The following EBF4 variants were observed in gnomAD, a reference collection of about 807,000 sequenced individuals.
EBF4 encodes EBF transcription factor 4, also known as transcription factor COE4.
EBF4 carries 34 observed loss-of-function variants against 67.1 expected under a neutral mutation model. The observed-to-expected ratio is 0.51, with a 90% CI of 0.39 to 0.67. The LOEUF (loss-of-function observed/expected upper bound fraction) is 0.67. Ranked by LOEUF, EBF4 falls within the 30% of genes least tolerant of loss-of-function variation. The pLI is 0.00. For missense variants in EBF4, 837 were observed against 873.3 expected (o/e 0.96, Z 0.52); for synonymous variants, 387 against 377.7 (o/e 1.02, Z -0.29).
intron 6 of EBF4, among the ~76,000 whole-genome samples, chr20:2,712,007 A>C (rs1308507948): frequency 1.3e-5 from 2 of 152,098 alleles, no homozygotes; most frequent in Non-Finnish European, 2.9e-5. Context: ...AGGGAAAACA[A>C]GGAGGCCCAG....
chr20:2,708,013 A>G (rs770070084), exon 5 of EBF4: 6 of 1,608,414 alleles, frequency 3.7e-6, no homozygotes, highest in East Asian at 2.2e-5. Flanking sequence ...CCATGAGATC[A>G]TGTGCAGGTG....
At chr20:2,698,280 T>A (rs544379118) in intron 1 of EBF4, among the ~76,000 whole-genome samples, 1 of 152,336 alleles carries the variant, frequency 6.6e-6, no homozygotes, top group African/African-American at 2.4e-5. Context: ...CCAAACCTCA[T>A]CTCCAGCAGG....
At chr20:2,716,855 A>G (rs779418795) in intron 6 of EBF4, among the ~76,000 whole-genome samples, 12 of 152,202 alleles carry the variant, frequency 7.9e-5, no homozygotes, top group Non-Finnish European at 1.5e-4. Flanking sequence ...CTATGTAATC[A>G]TCACTTTTTA....
At chr20:2,709,150 G>C (rs1212927660) in intron 5 of EBF4, among the ~76,000 whole-genome samples, 1 of 152,152 alleles carries the variant, frequency 6.6e-6, no homozygotes, top group East Asian at 1.9e-4. Flanking sequence ...TCACGTCACT[G>C]TACTCCAGCC....
chr20:2,752,685 A>C, intron 14 of EBF4, 140 bp downstream of exon 14: 1 of 729,320 alleles, frequency 1.4e-6, no homozygotes, highest in South Asian at 7.0e-5. Context: ...GGTCAGGCCC[A>C]CCGTCCCCGC....
chr20:2,748,920 G>C (rs2088094799), intron 7 of EBF4, among the ~76,000 whole-genome samples: 1 of 152,202 alleles, frequency 6.6e-6, no homozygotes. Flanking sequence ...AGCGTGAAGC[G>C]GAGAGCAGCT....
chr20:2,757,816 G>A (rs151095258), intron 15 of EBF4, among the ~76,000 whole-genome samples: 2 of 152,236 alleles, frequency 1.3e-5, no homozygotes, highest in Non-Finnish European at 1.5e-5. Context: ...GTGTGGTGGC[G>A]CATGCCTGTA....
In EBF4 at chr20:2,693,786, A is replaced by C; in HGVS notation, c.137+4A>C. 7.6e-7 allele frequency: 1 copy of C among 1,313,282 alleles called. No individual in the cohort carries two copies. Among genetic ancestry groups the C allele is most frequent in the Non-Finnish European group, 9.7e-7 (1 of 1,031,570 alleles). 81.4% of individuals were successfully genotyped at this position (1,313,282 alleles called of 1,614,324 possible). On this transcript the variant is annotated splice_donor_region_variant and intron_variant, in intron 1 of 16. Transcript: ENST00000609451. The surrounding 1 kb of genome is among the most constrained non-coding windows in gnomAD (Gnocchi z 4.6). ...ACGCCAGCACCGCGGCGCAGAGGTA[A>C]GCGCTCGGACCGGACCCGGTGCGCT...
chr20:2,720,401 T>G (rs1382148635), intron 6 of EBF4, among the ~76,000 whole-genome samples: 4 of 152,188 alleles, frequency 2.6e-5, no homozygotes, highest in Non-Finnish European at 5.9e-5. Flanking sequence ...CGGCCCATTC[T>G]TCTTTTCTTT....
intron 1 of EBF4, 120 bp from the exon 2 acceptor site, chr20:2,705,457 G>T: frequency 7.1e-7 from 1 of 1,405,350 alleles, no homozygotes; most frequent in Non-Finnish European, 9.7e-7. Flanking sequence ...TGGATTTTTT[G>T]CCCAAACTCT....
At chr20:2,694,123 C>T (rs2087253686) in intron 1 of EBF4, among the ~76,000 whole-genome samples, 1 of 152,256 alleles carries the variant, frequency 6.6e-6, no homozygotes, top group South Asian at 2.1e-4. Flanking sequence ...CGTCTAGGAA[C>T]GTCCAGCCCC....
intron 6 of EBF4, among the ~76,000 whole-genome samples, chr20:2,710,603 A>G (rs2087529663): frequency 6.6e-6 from 1 of 151,770 alleles, no homozygotes; most frequent in African/African-American, 2.4e-5. Flanking sequence ...GATATTCCAC[A>G]CAGGAACATA....
chr20:2,749,669 G>C (rs146829430), exon 9 of EBF4: 1 of 1,567,770 alleles, frequency 6.4e-7, no homozygotes, highest in South Asian at 1.2e-5. Context: ...GCTGGACCAC[G>C]GGCGGCGCCA....
At chr20:2,712,537 G>A (rs1192555600) in intron 6 of EBF4, among the ~76,000 whole-genome samples, 1 of 152,172 alleles carries the variant, frequency 6.6e-6, no homozygotes, top group Non-Finnish European at 1.5e-5. Context: ...AGTTTGGTTT[G>A]AGCATGTTAT....
In EBF4 at chr20:2,724,424, A is replaced by G. The variant is rs575701684; in HGVS notation, c.557+14782A>G. ...GCATTTTGCAGCTTTTTGGAGGGCC[A>G]TTTTCTTTCTTTCTAAAGTACATCT... On this transcript the variant is annotated intron_variant, in intron 6 of 16. Coordinates refer to ENST00000609451, the Ensembl canonical transcript of EBF4. Among the ~76,000 whole-genome samples, 8 of 152,074 alleles carry G rather than the reference A, an allele frequency of 5.3e-5. No homozygotes were observed. In the South Asian group the frequency reaches 1.7e-3, roughly 32 times the overall value.
intron 1 of EBF4, among the ~76,000 whole-genome samples, chr20:2,700,701 T>C (rs1181932602): frequency 2.0e-5 from 3 of 151,914 alleles, no homozygotes; most frequent in Non-Finnish European, 4.4e-5. Context: ...GTTTGTTTTC[T>C]CATTACAAGA....
intron 6 of EBF4, among the ~76,000 whole-genome samples, chr20:2,744,492 C>CTTTTTTTTTTTTTTTT (rs35298353): frequency 1.7e-5 from 2 of 115,892 alleles, no homozygotes; most frequent in South Asian, 2.7e-4. Context: ...TTTTTCTTTT[C>CTTTTTTTTTTTTTTTT]TTTTTTTTTT....
chr20:2,714,283 CTTCCTTCCTTCCTTCT>C (rs1029584830), intron 6 of EBF4, among the ~76,000 whole-genome samples: 16 of 151,020 alleles, frequency 1.1e-4, no homozygotes, highest in East Asian at 1.9e-4. Context: ...TTTCTCCTTC[CTTCCTTCCTTCCTTCT>C]TTCCTTCCTT....
chr20:2,710,440 G>A (rs908618083), intron 6 of EBF4, among the ~76,000 whole-genome samples: 5 of 152,132 alleles, frequency 3.3e-5, no homozygotes, highest in Non-Finnish European at 7.3e-5. Context: ...ATGAGCCACT[G>A]TGCCTGGCCT....
Sources: gnomAD v4.1 joint callset for allele counts (sites outside exome capture counted in the v4.1 genomes callset) on GRCh38, gnomAD v4.1.1 for gene constraint, Gnocchi (gnomAD v3.1) non-coding constraint, MANE v1.5 for transcripts, NCBI Gene and HGNC (gene_info 2026-07-23, HGNC 2026-07-21) for gene names.